The following RIMS2 variants were observed in gnomAD, a reference collection of about 807,000 sequenced individuals.
The protein encoded by RIMS2 is regulating synaptic membrane exocytosis protein 2.
RIMS2 carries 59 observed loss-of-function variants against 174.4 expected under a neutral mutation model. That is an observed-to-expected ratio of 0.34 (90% CI 0.27 to 0.42). RIMS2 has a LOEUF of 0.42. Among genes scored for constraint, RIMS2 ranks in the 10% least tolerant of loss-of-function variants. The pLI, the probability that RIMS2 is intolerant of heterozygous loss-of-function variation, is 1.00. For missense variants in RIMS2, 1,620 were observed against 1,666.3 expected, an observed-to-expected ratio of 0.97 and a Z score of 0.48; for synonymous variants, 606 against 572.5, an observed-to-expected ratio of 1.06 and a Z score of -0.84.
chr8:103,633,298 C>T (rs1248144352), intron 1 of RIMS2, among the ~76,000 whole-genome samples: 2 of 150,462 alleles, frequency 1.3e-5, no homozygotes, highest in Non-Finnish European at 3.0e-5. Context: ...CCACCTGCCT[C>T]GATTTCCCAA....
At chr8:103,857,409 A>G (rs984814687) in intron 3 of RIMS2, among the ~76,000 whole-genome samples, 5 of 152,058 alleles carry the variant, frequency 3.3e-5, no homozygotes, top group Non-Finnish European at 7.4e-5. Context: ...TTGTTCATAT[A>G]TATTATAAAA....
chr8:104,094,856 CTAAT>C (rs2097729225), intron 19 of RIMS2: 1 of 554,304 alleles, frequency 1.8e-6, no homozygotes, highest in East Asian at 2.9e-5. Context: ...TCTAATATTA[CTAAT>C]TAATATGTTG....
At chr8:103,915,537 T>C (rs2076489823) in exon 7 of RIMS2, 1 of 1,607,870 alleles carries the variant, frequency 6.2e-7, no homozygotes, top group East Asian at 2.2e-5. Flanking sequence ...GCTTTGTGCA[T>C]TTATTACTAA....
At chr8:103,853,905 T>C (rs1593853088) in intron 3 of RIMS2, among the ~76,000 whole-genome samples, 1 of 152,278 alleles carries the variant, frequency 6.6e-6, no homozygotes, top group East Asian at 1.9e-4. Flanking sequence ...AACAGCTTTT[T>C]TTTTCTAATT....
intron 1 of RIMS2, among the ~76,000 whole-genome samples, chr8:103,560,784 CA>C (rs2091459134): frequency 6.6e-6 from 1 of 152,068 alleles, no homozygotes; most frequent in African/African-American, 2.4e-5. Context: ...ATCTCTTAAT[CA>C]AAAATGAAAC....
chr8:104,229,623 T>A (rs564281847), intron 19 of RIMS2, among the ~76,000 whole-genome samples: 216 of 152,298 alleles, frequency 1.4e-3, no homozygotes, highest in Non-Finnish European at 2.7e-3. Flanking sequence ...TTTGCATGGC[T>A]GCTTTTTTCT....
intron 19 of RIMS2, among the ~76,000 whole-genome samples, chr8:104,207,460 G>A (rs1039796424): frequency 2.6e-5 from 4 of 152,062 alleles, no homozygotes; most frequent in Non-Finnish European, 4.4e-5. Context: ...TTCAACCAGG[G>A]AACATAATAT....
chr8:103,579,947 A>G (rs1483626285), intron 1 of RIMS2, among the ~76,000 whole-genome samples: 1 of 152,184 alleles, frequency 6.6e-6, no homozygotes, highest in Non-Finnish European at 1.5e-5. Flanking sequence ...TTAAACAACC[A>G]GATCTGGTGA....
At chr8:103,834,724 C>CTTTCTTTCTT (rs1299620377) in intron 3 of RIMS2, among the ~76,000 whole-genome samples, 40 of 112,082 alleles carry the variant, frequency 3.6e-4, no homozygotes, top group Non-Finnish European at 8.9e-5. Flanking sequence ...TTCTTTCTTT[C>CTTTCTTTCTT]TTTCTTTCTT....
intron 1 of RIMS2, among the ~76,000 whole-genome samples, chr8:103,581,390 T>C (rs2093611492): frequency 6.6e-6 from 1 of 152,162 alleles, no homozygotes; most frequent in Admixed American, 6.5e-5. Context: ...ATCATTTCAA[T>C]AGATGCTGAA....
chr8:104,082,207 A>AG (rs1444683275), intron 19 of RIMS2, among the ~76,000 whole-genome samples: 1 of 151,988 alleles, frequency 6.6e-6, no homozygotes, highest in Non-Finnish European at 1.5e-5. Flanking sequence ...GGATGAAGAG[A>AG]GGGGAAAAAA....
intron 19 of RIMS2, among the ~76,000 whole-genome samples, chr8:104,134,564 TTTAA>T (rs2098502654): frequency 6.6e-6 from 1 of 152,220 alleles, no homozygotes; most frequent in Non-Finnish European, 1.5e-5. Flanking sequence ...TTTACTCAAC[TTTAA>T]TTATTCAGTC....
chr8:103,866,189 T>G (rs968190034), intron 3 of RIMS2, among the ~76,000 whole-genome samples: 16 of 152,320 alleles, frequency 1.1e-4, no homozygotes, highest in Middle Eastern at 3.4e-3. Flanking sequence ...TTCAGATTAC[T>G]TATCATAGCA....
intron 1 of RIMS2, among the ~76,000 whole-genome samples, chr8:103,640,674 G>A (rs1257699485): frequency 6.6e-6 from 1 of 151,912 alleles, no homozygotes; most frequent in Non-Finnish European, 1.5e-5. Context: ...CACTATAGTT[G>A]TGCTGTTAAT....
intron 19 of RIMS2, among the ~76,000 whole-genome samples, chr8:104,179,566 G>A (rs1399587534): frequency 2.6e-5 from 4 of 151,802 alleles, no homozygotes; most frequent in Non-Finnish European, 2.9e-5. Flanking sequence ...TTTCTTCTCT[G>A]AAATTTACAT....
chr8:103,782,533 G>A (rs745788155), intron 3 of RIMS2, among the ~76,000 whole-genome samples: 1 of 151,590 alleles, frequency 6.6e-6, no homozygotes, highest in Non-Finnish European at 1.5e-5. Flanking sequence ...ACAATCACTT[G>A]GTTAAAGAAT....
At chr8:104,170,273 T>G (rs1181262701) in intron 19 of RIMS2, among the ~76,000 whole-genome samples, 6 of 152,090 alleles carry the variant, frequency 3.9e-5, no homozygotes, top group African/African-American at 1.4e-4. Flanking sequence ...AGAATTGGAG[T>G]GACCGCCTAT....
chr8:103,928,849 T>C (rs1441298626), intron 11 of RIMS2, among the ~76,000 whole-genome samples: 3 of 151,610 alleles, frequency 2.0e-5, no homozygotes, highest in East Asian at 3.9e-4. Context: ...AGGACCAGAA[T>C]TGTGAAGATA....
Position 103,885,351 on chromosome 8 carries a change from A to AG in RIMS2, c.752_753insG (p.Glu252ArgfsTer17), listed in dbSNP as rs1233619019. 1 of 1,611,410 alleles carries AG rather than the reference A, an allele frequency of 6.2e-7. No individual in the cohort carries two copies. Among genetic ancestry groups the AG allele is most frequent in the African/African-American group, 1.3e-5 (1 of 74,766 alleles). On this transcript the variant is annotated frameshift_variant, in exon 4 of 24. Coordinates refer to ENST00000504942, the Ensembl canonical transcript of RIMS2. LOFTEE classifies it high-confidence loss of function. ...CAGAATAGAAGATACGACCAAAGGG[A>AG]AGAAAGAGAGGAATATTCACAGTAT... is the stretch of plus-strand genomic sequence containing the variant.
Sources: allele counts gnomAD v4.1 joint callset (sites outside exome capture counted in the v4.1 genomes callset), GRCh38; gene constraint gnomAD v4.1.1; transcripts MANE v1.5; gene names NCBI Gene and HGNC (gene_info 2026-07-23, HGNC 2026-07-21).